The following ATOSA variants were observed in gnomAD, a reference collection of about 807,000 sequenced individuals.
ATOSA encodes the protein atos homolog A, also known as atos homolog protein A.
chr15:52,641,164 G>A, the ATOSA span, among the ~76,000 whole-genome samples: 2 of 152,122 alleles, frequency 1.3e-5, no homozygotes, highest in East Asian at 1.9e-4. Flanking sequence ...CTAGTCAATC[G>A]GTTTGTACGT....
At chr15:52,639,129 TTACC>T in the ATOSA span, among the ~76,000 whole-genome samples, 2 of 151,770 alleles carry the variant, frequency 1.3e-5, no homozygotes, top group African/African-American at 4.8e-5. Context: ...AATTAAAAGT[TTACC>T]TTTTATATTA....
chr15:52,582,961 C>T, the ATOSA span, among the ~76,000 whole-genome samples: 1 of 152,176 alleles, frequency 6.6e-6, no homozygotes, highest in Non-Finnish European at 1.5e-5. Flanking sequence ...GACAAACATA[C>T]CCTGTAGTGC....
At chr15:52,584,787 C>A in the ATOSA span, 2 of 1,613,616 alleles carry the variant, frequency 1.2e-6, no homozygotes, top group Non-Finnish European at 1.7e-6. Context: ...TTCTGTGTGT[C>A]GGATGTTCTC....
the ATOSA span, among the ~76,000 whole-genome samples, chr15:52,626,386 G>A: frequency 0.9 from 136,730 of 152,248 alleles, 61,457 homozygotes; most frequent in East Asian, 1. Context: ...AAACTGTACA[G>A]TTACATCTGG....
chr15:52,689,000 G>C, the ATOSA span, among the ~76,000 whole-genome samples: 3 of 152,186 alleles, frequency 2.0e-5, no homozygotes, highest in African/African-American at 7.2e-5. Context: ...CCATTGCTTT[G>C]AATCAAATCC....
At chr15:52,596,037 C>T in the ATOSA span, among the ~76,000 whole-genome samples, 3 of 152,078 alleles carry the variant, frequency 2.0e-5, no homozygotes, top group Non-Finnish European at 4.4e-5. Flanking sequence ...ATGCTTCAAC[C>T]CAGGAGATCC....
the ATOSA span, chr15:52,593,654 C>A: frequency 6.4e-7 from 1 of 1,561,250 alleles, no homozygotes; most frequent in South Asian, 1.2e-5. Flanking sequence ...ATGTGTGGGG[C>A]AGAAAGCACC....
the ATOSA span, among the ~76,000 whole-genome samples, chr15:52,599,553 C>T: frequency 1.3e-5 from 2 of 152,068 alleles, no homozygotes; most frequent in Non-Finnish European, 2.9e-5. Flanking sequence ...ATGTCATTTA[C>T]AAGTTCGTGT....
chr15:52,608,782 G>A, the ATOSA span: 6 of 1,605,352 alleles, frequency 3.7e-6, no homozygotes, highest in South Asian at 4.5e-5. Flanking sequence ...ACATGTCTTA[G>A]GCCTTTTTGA....
chr15:52,638,775 C>T, the ATOSA span, among the ~76,000 whole-genome samples: 53 of 149,626 alleles, frequency 3.5e-4, no homozygotes, highest in African/African-American at 1.3e-3. Context: ...GTGGAAACAG[C>T]GGATATATGG....
the ATOSA span, among the ~76,000 whole-genome samples, chr15:52,689,587 G>A: frequency 1.3e-5 from 2 of 152,202 alleles, no homozygotes; most frequent in African/African-American, 4.8e-5. Flanking sequence ...TGCCTCATTT[G>A]TGGCTCCCTT....
the ATOSA span, chr15:52,609,708 A>G: frequency 1.2e-6 from 2 of 1,613,790 alleles, no homozygotes; most frequent in Admixed American, 3.3e-5. Context: ...AATGGAGTGA[A>G]CTAGACTCTT....
the ATOSA span, among the ~76,000 whole-genome samples, chr15:52,623,032 G>A: frequency 6.6e-6 from 1 of 151,808 alleles, no homozygotes; most frequent in Non-Finnish European, 1.5e-5. Context: ...TGTAACATGT[G>A]CCTGTGGTTA....
the ATOSA span, among the ~76,000 whole-genome samples, chr15:52,606,480 G>A: frequency 2.0e-5 from 3 of 152,152 alleles, no homozygotes; most frequent in Non-Finnish European, 4.4e-5. Flanking sequence ...ACTGGAGTTA[G>A]TAAAAGCACC....
At chr15:52,708,643 A>G in the ATOSA span, among the ~76,000 whole-genome samples, 3 of 152,322 alleles carry the variant, frequency 2.0e-5, no homozygotes, top group African/African-American at 7.2e-5. Context: ...CCACACTGGG[A>G]AAATAAATAA....
the ATOSA span, among the ~76,000 whole-genome samples, chr15:52,691,101 G>A: frequency 1.3e-5 from 2 of 152,060 alleles, no homozygotes; most frequent in Non-Finnish European, 2.9e-5. Context: ...GTGCTTTAGA[G>A]TTTCTAGGGA....
chr15:52,632,317 T>A, the ATOSA span, among the ~76,000 whole-genome samples: 1 of 152,208 alleles, frequency 6.6e-6, no homozygotes, highest in South Asian at 2.1e-4. Context: ...TTTCTTCTGT[T>A]GGTTTAAATA....
At chr15:52,604,374 T>A in the ATOSA span, among the ~76,000 whole-genome samples, 1 of 152,266 alleles carries the variant, frequency 6.6e-6, no homozygotes, top group East Asian at 1.9e-4. Context: ...CATCTATTGT[T>A]CAATAATTAT....
chr15:52,678,193 A>G, the ATOSA span: 1 of 760,424 alleles, frequency 1.3e-6, no homozygotes, highest in East Asian at 2.6e-5. Flanking sequence ...AACTACTGTT[A>G]AGTTAGGCCT....
Sources: allele counts gnomAD v4.1 joint callset (sites outside exome capture counted in the v4.1 genomes callset), GRCh38; gene constraint gnomAD v4.1.1; transcripts MANE v1.5; gene names NCBI Gene and HGNC (gene_info 2026-07-23, HGNC 2026-07-21).